The following MLLT3 variants were observed in gnomAD, a reference collection of about 807,000 sequenced individuals.
The protein encoded by MLLT3 is protein AF-9.
A neutral mutation model predicts 53.2 loss-of-function variants in MLLT3; 4 were observed. That is an observed-to-expected ratio of 0.08 (90% CI 0.04 to 0.17). The LOEUF (loss-of-function observed/expected upper bound fraction) is 0.17. MLLT3 is among the 10% of genes least tolerant of loss of function. The pLI is 1.00. For missense variants in MLLT3, 569 were observed against 684.0 expected (o/e 0.83, Z 1.87); for synonymous variants, 283 against 230.6 (o/e 1.23, Z -2.06).
chr9:20,581,304 C>A (rs1473467895), intron 2 of MLLT3, among the ~76,000 whole-genome samples: 1 of 152,148 alleles, frequency 6.6e-6, no homozygotes, highest in African/African-American at 2.4e-5. Flanking sequence ...CAAGAAATTA[C>A]ATAAACAAAA....
chr9:20,478,652 A>G (rs2118901023), intron 2 of MLLT3, among the ~76,000 whole-genome samples: 1 of 152,344 alleles, frequency 6.6e-6, no homozygotes, highest in South Asian at 2.1e-4. Context: ...AGGTGAAAAG[A>G]GCACAGGACC....
chr9:20,498,016 G>T (rs1825120942), intron 2 of MLLT3, among the ~76,000 whole-genome samples: 1 of 151,946 alleles, frequency 6.6e-6, no homozygotes, highest in Non-Finnish European at 1.5e-5. Flanking sequence ...GAGGCCAGGA[G>T]TTCGAGATCA....
At chr9:20,552,824 G>A (rs996421619) in intron 2 of MLLT3, among the ~76,000 whole-genome samples, 2 of 152,028 alleles carry the variant, frequency 1.3e-5, no homozygotes, top group Admixed American at 1.3e-4. Context: ...ATCCCACGTA[G>A]AATCTACTTT....
chr9:20,555,226 G>A (rs1482562408), intron 2 of MLLT3, among the ~76,000 whole-genome samples: 1 of 152,056 alleles, frequency 6.6e-6, no homozygotes, highest in African/African-American at 2.4e-5. Flanking sequence ...TGGATTCTCT[G>A]GTTTATTTTC....
intron 4 of MLLT3, among the ~76,000 whole-genome samples, chr9:20,430,470 T>C (rs6475430): frequency 0.25 from 37,339 of 152,050 alleles, 8,293 homozygotes; most frequent in East Asian, 0.69. Context: ...AACAGACTCA[T>C]AAATATTTTA....
chr9:20,612,288 G>C (rs2131209509), intron 2 of MLLT3, among the ~76,000 whole-genome samples: 1 of 152,226 alleles, frequency 6.6e-6, no homozygotes, highest in African/African-American at 2.4e-5. Context: ...AGAATCTCAA[G>C]TGTCCTTTCC....
chr9:20,463,952 A>C (rs1021755314), intron 2 of MLLT3, among the ~76,000 whole-genome samples: 1 of 151,914 alleles, frequency 6.6e-6, no homozygotes, highest in African/African-American at 2.4e-5. Flanking sequence ...GTACTACTAC[A>C]TCATAAAAGT....
chr9:20,584,491 G>A (rs372896272), intron 2 of MLLT3, among the ~76,000 whole-genome samples: 8 of 152,046 alleles, frequency 5.3e-5, no homozygotes, highest in East Asian at 3.8e-4. Flanking sequence ...CCCATTTCAC[G>A]CTGCTGGGAA....
intron 2 of MLLT3, among the ~76,000 whole-genome samples, chr9:20,477,805 C>A (rs1824563793): frequency 6.6e-6 from 1 of 152,100 alleles, no homozygotes; most frequent in Admixed American, 6.5e-5. Context: ...CTCACTTCTA[C>A]CCTAAAATGA....
chr9:20,442,666 C>T (rs1196518311), intron 4 of MLLT3, among the ~76,000 whole-genome samples: 1 of 152,168 alleles, frequency 6.6e-6, no homozygotes, highest in Non-Finnish European at 1.5e-5. Flanking sequence ...TTACTGAAAG[C>T]TCCTTATCCT....
intron 4 of MLLT3, among the ~76,000 whole-genome samples, chr9:20,416,553 T>TA (rs1157157119): frequency 6.6e-6 from 1 of 152,100 alleles, no homozygotes; most frequent in East Asian, 1.9e-4. Context: ...TCTTGTGTCA[T>TA]AAAAAAGTTA....
At chr9:20,449,014 A>G (rs1823776249) in intron 3 of MLLT3, among the ~76,000 whole-genome samples, 1 of 151,686 alleles carries the variant, frequency 6.6e-6, no homozygotes, top group Admixed American at 6.6e-5. Context: ...TTCACTGCCT[A>G]CCTCCATTTC....
intron 2 of MLLT3, among the ~76,000 whole-genome samples, chr9:20,525,232 C>T (rs561786709): frequency 2.6e-5 from 4 of 151,924 alleles, no homozygotes; most frequent in African/African-American, 9.7e-5. Flanking sequence ...CACAGTGGCT[C>T]ACGCCTGTAA....
chr9:20,468,230 T>C (rs1824284759), intron 2 of MLLT3, among the ~76,000 whole-genome samples: 1 of 152,210 alleles, frequency 6.6e-6, no homozygotes, highest in Non-Finnish European at 1.5e-5. Flanking sequence ...AAGCCATAAA[T>C]ATTAGAGAAT....
At chr9:20,472,626 A>T (rs547496527) in intron 2 of MLLT3, among the ~76,000 whole-genome samples, 2 of 152,102 alleles carry the variant, frequency 1.3e-5, no homozygotes, top group African/African-American at 4.8e-5. Context: ...AACCAACTAT[A>T]AAGAAAAATA....
At chr9:20,470,299 CATT>C (rs1824354471) in intron 2 of MLLT3, among the ~76,000 whole-genome samples, 1 of 151,878 alleles carries the variant, frequency 6.6e-6, no homozygotes, top group African/African-American at 2.4e-5. Flanking sequence ...ATTTGGGAGG[CATT>C]ATAATCCCAT....
chr9:20,542,715 C>T (rs577936783), intron 2 of MLLT3, among the ~76,000 whole-genome samples: 4 of 152,170 alleles, frequency 2.6e-5, no homozygotes, highest in Non-Finnish European at 5.9e-5. Flanking sequence ...CTAGGATTTT[C>T]AGAATGGTAA....
intron 2 of MLLT3, among the ~76,000 whole-genome samples, chr9:20,488,417 T>TA (rs1161920595): frequency 6.6e-6 from 1 of 152,118 alleles, no homozygotes; most frequent in Non-Finnish European, 1.5e-5. Context: ...ATCAAACTGA[T>TA]AATCTAAACT....
At chr9:20,350,584 G>T (rs1254842604) in intron 10 of MLLT3, among the ~76,000 whole-genome samples, 2 of 102,386 alleles carry the variant, frequency 2.0e-5, no homozygotes, top group Admixed American at 1.0e-4. Context: ...GACAGAGCGA[G>T]ACTCCGTCTC....
Sources: gnomAD v4.1 joint callset for allele counts (sites outside exome capture counted in the v4.1 genomes callset) on GRCh38, gnomAD v4.1.1 for gene constraint, MANE v1.5 for transcripts, NCBI Gene and HGNC (gene_info 2026-07-23, HGNC 2026-07-21) for gene names.